Variants in HADH observed in about 807,000 individuals in gnomAD.
The protein encoded by HADH is hydroxyacyl-coenzyme A dehydrogenase, mitochondrial.
Under a neutral mutation model 32.2 loss-of-function variants are expected in HADH, and 24 were observed. That is an observed-to-expected ratio of 0.75 (90% confidence interval 0.54 to 1.05). The LOEUF (loss-of-function observed/expected upper bound fraction) is 1.05, where lower values mean the gene tolerates loss of function less well. Among genes scored for constraint, HADH ranks in the 50% least tolerant of loss-of-function variants. HADH has a pLI of 0.00. For missense variants in HADH, 350 were observed against 397.1 expected, an observed-to-expected ratio of 0.88 and a Z score of 1.01; for synonymous variants, 139 against 152.5, an observed-to-expected ratio of 0.91 and a Z score of 0.65.
In HADH at chr4:108,034,676, C is replaced by T. The variant is rs915076342; in HGVS notation, c.*319C>T. 3 of 363,400 alleles carry T rather than the reference C, an allele frequency of 8.3e-6. No homozygotes were observed. The highest frequency in any genetic ancestry group is 2.1e-5 in the African/African-American group (1 of 46,902). The allele number at this position is 363,400 out of a possible 1,614,324, so 22.5% of individuals were successfully genotyped here. The stretch of plus-strand genomic sequence containing the variant: ...GAAGAATTGCCTAGATTCCTTCTCT[C>T]ATCAACGGGAAAGTACTTCCTCTGA... On this transcript the variant is annotated 3_prime_UTR_variant, in exon 8 of 8. Transcript: ENST00000309522.
At chr4:108,021,168 G>A (rs1735873336) in intron 4 of HADH, among the ~76,000 whole-genome samples, 1 of 152,122 alleles carries the variant, frequency 6.6e-6, no homozygotes, top group Non-Finnish European at 1.5e-5. Flanking sequence ...GCAAAGAAGT[G>A]GCATGCATTT....
chr4:108,004,651 A>G (rs746107929), intron 1 of HADH: 7 of 1,515,562 alleles, frequency 4.6e-6, no homozygotes, highest in African/African-American at 2.8e-5. Context: ...ATGAACTTCC[A>G]TATCTGTCAT....
intron 1 of HADH, among the ~76,000 whole-genome samples, chr4:108,006,192 G>C (rs1398402114): frequency 1.3e-5 from 2 of 152,174 alleles, no homozygotes; most frequent in African/African-American, 4.8e-5. Flanking sequence ...GTGTGTGGGG[G>C]AGGAGTCTTC....
rs192536989 is a variant in HADH, at chr4:108,034,733, C to T, written c.*376C>T. 8 of 349,532 alleles carry T rather than the reference C, an allele frequency of 2.3e-5. No individual in the cohort carries two copies. In the East Asian group the frequency reaches 5.2e-4, roughly 23 times the overall value. The allele number at this position is 349,532 out of a possible 1,614,324, so 21.7% of individuals were successfully genotyped here. A position where few individuals can be genotyped will look rare whatever the true frequency, so the allele number is the denominator to read the frequency against. ...GAGTGCACCATGCTCACTGTTGCTG[C>T]GTGGGAGAGTCACAAGCCACTGGCA... On this transcript the variant is annotated 3_prime_UTR_variant, in exon 8 of 8. Coordinates refer to ENST00000309522, the MANE Select transcript of HADH (RefSeq NM_005327.7).
At chr4:108,009,226 G>T (rs1735395247) in intron 1 of HADH, among the ~76,000 whole-genome samples, 1 of 152,354 alleles carries the variant, frequency 6.6e-6, no homozygotes, top group African/African-American at 2.4e-5. Context: ...AAGAGGCCAA[G>T]CTGTACAAGG....
At chr4:108,019,252 T>C (rs1029814785) in intron 3 of HADH, among the ~76,000 whole-genome samples, 1 of 152,080 alleles carries the variant, frequency 6.6e-6, no homozygotes. Context: ...CTAATACAAG[T>C]AGGTAGGGGA....
intron 3 of HADH, among the ~76,000 whole-genome samples, chr4:108,015,708 A>AGTTAC (rs1331987292): frequency 6.6e-6 from 1 of 152,176 alleles, no homozygotes; most frequent in Non-Finnish European, 1.5e-5. Flanking sequence ...ACCCATGGTA[A>AGTTAC]CATGGAGGGG....
At chr4:108,009,697 G>C in intron 1 of HADH, 62 bp from the exon 2 acceptor site, 1 of 1,478,616 alleles carries the variant, frequency 6.8e-7, no homozygotes, top group Non-Finnish European at 9.5e-7. Flanking sequence ...GGGGTGGGGT[G>C]TGTGCGCGTG....
chr4:108,027,202 C>T (rs12331774), intron 5 of HADH: 2,908 of 206,578 alleles, frequency 0.014, 91 homozygotes, highest in African/African-American at 0.062. Flanking sequence ...GACGTTTTGT[C>T]GATTCTTGAA....
chr4:108,020,836 T>C (rs1353736108), intron 4 of HADH, among the ~76,000 whole-genome samples: 1 of 152,186 alleles, frequency 6.6e-6, no homozygotes, highest in South Asian at 2.1e-4. Context: ...TCTGGGAGTG[T>C]GTATCGTCTG....
At chr4:108,024,305 G>A (rs1464287705) in intron 5 of HADH, 1 of 152,130 alleles carries the variant, frequency 6.6e-6, no homozygotes, top group Non-Finnish European at 1.5e-5. Flanking sequence ...TTCTTAAGGG[G>A]TAGTTGTGTC....
intron 2 of HADH, among the ~76,000 whole-genome samples, chr4:108,013,158 C>G (rs902464984): frequency 2.0e-5 from 3 of 152,212 alleles, no homozygotes; most frequent in African/African-American, 7.2e-5. Context: ...GTCTCGATCT[C>G]CTAACCTCGT....
chr4:107,992,685 C>T (rs1734849123), intron 1 of HADH, among the ~76,000 whole-genome samples: 2 of 152,188 alleles, frequency 1.3e-5, no homozygotes, highest in South Asian at 4.2e-4. Context: ...CTAGTACTGG[C>T]CTCGTAGGGA....
intron 1 of HADH, among the ~76,000 whole-genome samples, chr4:108,007,193 G>A (rs921645174): frequency 8.6e-5 from 13 of 151,978 alleles, no homozygotes; most frequent in South Asian, 6.2e-4. Flanking sequence ...TGCAAGCTCC[G>A]CCTCCCACAT....
At chr4:108,013,024 C>A (rs1311168789) in intron 2 of HADH, among the ~76,000 whole-genome samples, 1 of 152,198 alleles carries the variant, frequency 6.6e-6, no homozygotes, top group East Asian at 1.9e-4. Context: ...GCTCCACCTC[C>A]CGGGTTCACG....
At chr4:107,994,530 C>G (rs1395787648) in intron 1 of HADH, among the ~76,000 whole-genome samples, 1 of 152,172 alleles carries the variant, frequency 6.6e-6, no homozygotes, top group African/African-American at 2.4e-5. Flanking sequence ...ACTGTGAGTA[C>G]AGCTCTGTTG....
chr4:108,004,885 T>C, intron 1 of HADH: 1 of 1,535,900 alleles, frequency 6.5e-7, no homozygotes, highest in Non-Finnish European at 8.7e-7. Context: ...GCTTGGAGGC[T>C]GGAAGCCCAG....
At chr4:108,023,213 C>T (rs1451007646) in intron 4 of HADH, among the ~76,000 whole-genome samples, 2 of 152,086 alleles carry the variant, frequency 1.3e-5, no homozygotes, top group African/African-American at 4.8e-5. Flanking sequence ...AGGATGGTCT[C>T]GATCTCTTGA....
At chr4:108,010,420 C>CT (rs1378782867) in intron 2 of HADH, among the ~76,000 whole-genome samples, 4 of 34,622 alleles carry the variant, frequency 1.2e-4, no homozygotes. Flanking sequence ...AAGGGCCATG[C>CT]TGTTTTTCAG....
Sources: allele counts gnomAD v4.1 joint callset (sites outside exome capture counted in the v4.1 genomes callset), GRCh38; gene constraint gnomAD v4.1.1; transcripts MANE v1.5; gene names NCBI Gene and HGNC (gene_info 2026-07-23, HGNC 2026-07-21).